Variants in SCYL2 observed in about 807,000 individuals in gnomAD.
SCYL2 encodes SCY1 like pseudokinase 2.
In SCYL2, 36 loss-of-function variants were observed where a neutral mutation model predicts 100.4. That is an observed-to-expected ratio of 0.36 (90% CI 0.27 to 0.47). SCYL2 has a LOEUF of 0.47. Ranked by LOEUF, SCYL2 falls within the 20% of genes least tolerant of loss-of-function variation. The probability of loss-of-function intolerance (pLI) is 1.00; values close to 1 mark genes in which losing one functional copy is unlikely to be tolerated. For missense variants in SCYL2, 902 were observed against 1,083.9 expected (o/e 0.83, Z 2.36); for synonymous variants, 330 against 359.2 (o/e 0.92, Z 0.92).
At chr12:100,309,417 A>G (rs888161781) in intron 4 of SCYL2, among the ~76,000 whole-genome samples, 1 of 152,026 alleles carries the variant, frequency 6.6e-6, no homozygotes, top group African/African-American at 2.4e-5. Flanking sequence ...GGCAACCACA[A>G]TTGTACTTTC....
At chr12:100,316,297 T>C (rs1418743846) in intron 9 of SCYL2, among the ~76,000 whole-genome samples, 1 of 152,170 alleles carries the variant, frequency 6.6e-6, no homozygotes, top group African/African-American at 2.4e-5. Context: ...TTGAAGGTAA[T>C]GTTGGATTTA....
intron 1 of SCYL2, among the ~76,000 whole-genome samples, chr12:100,271,912 C>G (rs981952109): frequency 6.6e-6 from 1 of 152,206 alleles, no homozygotes; most frequent in Non-Finnish European, 1.5e-5. Flanking sequence ...ACATTTCTTG[C>G]TGTATCTAGA....
intron 3 of SCYL2, among the ~76,000 whole-genome samples, chr12:100,294,817 C>T (rs1474764649): frequency 2.0e-5 from 3 of 150,404 alleles, no homozygotes; most frequent in South Asian, 2.1e-4. Context: ...ACCTCCCTCC[C>T]GGACGGGGTG....
Position 100,294,943 on chromosome 12 carries a change from G to C in SCYL2, c.336-3088G>C, listed in dbSNP as rs558010826. ...GGAGGGGCTCCTCACTTCTCAGACGGGGCGGTTGCCAGGCAGAGGGTCTCC... is the reference window on the plus strand; with the variant it reads ...GGAGGGGCTCCTCACTTCTCAGACGCGGCGGTTGCCAGGCAGAGGGTCTCC... On this transcript the variant is annotated intron_variant, in intron 3 of 17. Coordinates refer to ENST00000360820, the MANE Select transcript of SCYL2 (RefSeq NM_017988.6). Among the ~76,000 whole-genome samples the C allele has an allele frequency of 5.4e-3, 821 of 151,740 alleles. 4 individuals are homozygous for C. Among genetic ancestry groups the C allele is most frequent in the Non-Finnish European group, 8.4e-3 (569 of 67,820 alleles).
chr12:100,279,763 C>T (rs1434561367), intron 1 of SCYL2, among the ~76,000 whole-genome samples: 1 of 152,178 alleles, frequency 6.6e-6, no homozygotes, highest in Non-Finnish European at 1.5e-5. Context: ...GATGAGATAT[C>T]AAATGATTTG....
chr12:100,300,217 T>C (rs574643389), intron 4 of SCYL2, among the ~76,000 whole-genome samples: 38 of 152,358 alleles, frequency 2.5e-4, no homozygotes, highest in South Asian at 2.1e-4. Context: ...TGTTTTCTTA[T>C]TGACTTACGT....
chr12:100,271,994 C>G lies in SCYL2; in HGVS notation c.-29+4202C>G, dbSNP rs12303368. 5.0e-3 allele frequency among the ~76,000 whole-genome samples: 766 copies of G among 152,266 alleles called. 12 individuals are homozygous for G. The highest frequency in any genetic ancestry group is 0.017 in the African/African-American group (727 of 41,566). ...ACCTGCTGTCAGATGCTGTAATACTCATCCTACTTTCTGCCAGGTGCACGT... is the reference window on the plus strand; with the variant it reads ...ACCTGCTGTCAGATGCTGTAATACTGATCCTACTTTCTGCCAGGTGCACGT... On this transcript the variant is annotated intron_variant, in intron 1 of 17. Transcript: ENST00000360820.
chr12:100,283,434 G>A (rs1259508882), intron 2 of SCYL2, among the ~76,000 whole-genome samples: 6 of 152,126 alleles, frequency 3.9e-5, no homozygotes, highest in African/African-American at 1.4e-4. Context: ...ATATTAGATT[G>A]TAATATTTAG....
At chr12:100,327,518 ATT>A (rs35023853) in intron 12 of SCYL2, among the ~76,000 whole-genome samples, 2 of 145,684 alleles carry the variant, frequency 1.4e-5, no homozygotes, top group Non-Finnish European at 1.5e-5. Context: ...TTGTTTGCTA[ATT>A]TTTTTTTTTT....
intron 1 of SCYL2, among the ~76,000 whole-genome samples, chr12:100,273,083 T>A (rs1272420956): frequency 6.6e-6 from 1 of 152,136 alleles, no homozygotes; most frequent in Non-Finnish European, 1.5e-5. Flanking sequence ...AGTATATCTT[T>A]CACTCTGCTT....
At chr12:100,296,297 A>G (rs1310897152) in intron 3 of SCYL2, among the ~76,000 whole-genome samples, 1 of 152,230 alleles carries the variant, frequency 6.6e-6, no homozygotes, top group Non-Finnish European at 1.5e-5. Flanking sequence ...TGACACTGGA[A>G]TTACCCAAAG....
intron 2 of SCYL2, among the ~76,000 whole-genome samples, chr12:100,284,840 A>G (rs909873908): frequency 1.3e-5 from 2 of 152,064 alleles, no homozygotes; most frequent in African/African-American, 4.8e-5. Context: ...CTCAGCAGGG[A>G]TGCTAAAGAC....
intron 4 of SCYL2, among the ~76,000 whole-genome samples, chr12:100,307,297 C>T (rs9971724): frequency 0.22 from 34,180 of 151,980 alleles, 4,327 homozygotes; most frequent in African/African-American, 0.33. Flanking sequence ...AAAACAGATA[C>T]ATAGACCAAT....
intron 10 of SCYL2, among the ~76,000 whole-genome samples, chr12:100,322,372 CAA>C (rs34959294): frequency 0.05 from 3,093 of 61,530 alleles, 47 homozygotes; most frequent in African/African-American, 0.17. Context: ...GACTCCGTCT[CAA>C]AAAAAAAAAA....
intron 10 of SCYL2, among the ~76,000 whole-genome samples, chr12:100,323,046 A>G (rs2135921408): frequency 6.6e-6 from 1 of 152,012 alleles, no homozygotes; most frequent in African/African-American, 2.4e-5. Flanking sequence ...AAAAAAAAAA[A>G]AAATTAAACA....
At chr12:100,270,176 C>A (rs1194552947) in intron 1 of SCYL2, among the ~76,000 whole-genome samples, 3 of 152,066 alleles carry the variant, frequency 2.0e-5, no homozygotes, top group African/African-American at 7.2e-5. Flanking sequence ...TTAGTAGAGA[C>A]GGCGTTTCAC....
chr12:100,268,372 TGAA>T (rs1448158452), intron 1 of SCYL2, among the ~76,000 whole-genome samples: 29 of 152,168 alleles, frequency 1.9e-4, no homozygotes, highest in African/African-American at 7.0e-4. Flanking sequence ...GTCAGGTGCT[TGAA>T]GATTCCTTTT....
intron 4 of SCYL2, among the ~76,000 whole-genome samples, chr12:100,300,965 A>C (rs2096326859): frequency 6.6e-6 from 1 of 152,234 alleles, no homozygotes; most frequent in Non-Finnish European, 1.5e-5. Flanking sequence ...ATGGGAGTGC[A>C]GATATCTCTT....
Position 100,298,160 on chromosome 12 carries a change from A to G in SCYL2, c.465A>G (p.Lys155=). 6.4e-7 allele frequency: 1 copy of G among 1,565,058 alleles called. No individual in the cohort carries two copies. Among genetic ancestry groups the G allele is most frequent in the Admixed American group, 2.0e-5 (1 of 51,118 alleles). Residue 155 remains lysine (K), a synonymous_variant, in exon 4 of 18, where the codon AAA becomes AAG. Transcript: ENST00000360820. ...ATAAACTTTATGATGTAGAAACCAAATATGGTTTGCTTCAGGTATGTATTT... is the reference window on the plus strand; with the variant it reads ...ATAAACTTTATGATGTAGAAACCAAGTATGGTTTGCTTCAGGTATGTATTT... The part of the protein sequence containing the change: ...KDYKLYDVET[K]YGLLQVSEGL...
Sources: gnomAD v4.1 joint callset for allele counts (sites outside exome capture counted in the v4.1 genomes callset) on GRCh38, gnomAD v4.1.1 for gene constraint, MANE v1.5 for transcripts, NCBI Gene and HGNC (gene_info 2026-07-23, HGNC 2026-07-21) for gene names.